Variants in URB2 observed in about 807,000 individuals in gnomAD.
URB2 encodes unhealthy ribosome biogenesis protein 2 homolog.
A neutral mutation model predicts 120.9 loss-of-function variants in URB2; 86 were observed. The observed-to-expected ratio is 0.71, with a 90% CI of 0.60 to 0.85. The LOEUF (loss-of-function observed/expected upper bound fraction) is 0.85, where lower values mean the gene tolerates loss of function less well. Ranked by LOEUF, URB2 falls within the 40% of genes least tolerant of loss-of-function variation. The pLI, the probability that URB2 is intolerant of heterozygous loss-of-function variation, is 0.00. For missense variants in URB2, 1,765 were observed against 1,836.5 expected, an observed-to-expected ratio of 0.96 and a Z score of 0.71; for synonymous variants, 755 against 758.4, an observed-to-expected ratio of 1.00 and a Z score of 0.07.
chr1:229,648,840 C>T (rs538475660), intron 7 of URB2, among the ~76,000 whole-genome samples: 3 of 152,300 alleles, frequency 2.0e-5, no homozygotes, highest in East Asian at 3.9e-4. Flanking sequence ...AGAAATGTGT[C>T]GTTAGGCATT....
Position 229,637,580 on chromosome 1 carries a change from G to A in URB2, c.2967G>A (p.Met989Ile), listed in dbSNP as rs778890308. Reference protein sequence around the residue: ...FRASSRFLIEMDDPAWLEFLQ... With the variant: ...FRASSRFLIEIDDPAWLEFLQ... ...CTAGTAGTAGGTTCCTTATTGAGAT[G>A]GATGATCCCGCTTGGCTGGAATTCC... is the stretch of plus-strand genomic sequence containing the variant. Residue 989 changes from methionine to isoleucine, a missense_variant, in exon 4 of 10, where the codon ATG becomes ATA. Coordinates refer to ENST00000258243, the MANE Select transcript of URB2 (RefSeq NM_014777.4). The A allele has an allele frequency of 2.5e-6, 4 of 1,614,212 alleles. No homozygotes were observed. Among genetic ancestry groups the A allele is most frequent in the East Asian group, 4.5e-5 (2 of 44,882 alleles).
chr1:229,630,063 A>G (rs948191281), intron 2 of URB2, among the ~76,000 whole-genome samples: 3 of 152,176 alleles, frequency 2.0e-5, no homozygotes, highest in Admixed American at 2.0e-4. Flanking sequence ...CCTCCACTTC[A>G]GTCTTGAGCC....
In URB2 at chr1:229,635,488, C is replaced by T; in HGVS notation, c.875C>T (p.Ala292Val). 6.2e-7 allele frequency: 1 copy of T among 1,613,432 alleles called. No individual in the cohort carries two copies. The highest frequency in any genetic ancestry group is 8.5e-7 in the Non-Finnish European group (1 of 1,179,602). ...LNRLVDAGYC[A>V]ASLHTSVVAN... ...AGGCTGGTTGATGCTGGCTACTGTG[C>T]AGCATCCCTTCATACCTCTGTTGTG... The change falls in exon 4 of 10, where the codon GCA becomes GTA. Residue 292 changes from alanine (A) to valine (V), a missense_variant. Physicochemically the swap from Ala to Val is moderately conservative, Grantham distance 64 (BLOSUM62 0). Coordinates refer to ENST00000258243, the MANE Select transcript of URB2 (RefSeq NM_014777.4).
intron 5 of URB2, among the ~76,000 whole-genome samples, chr1:229,645,656 C>G (rs1350808109): frequency 6.6e-6 from 1 of 152,188 alleles, no homozygotes; most frequent in Non-Finnish European, 1.5e-5. Context: ...TCATCTTCTT[C>G]ACTTCCTTCC....
At chr1:229,658,506 A>G (rs1666453977) in intron 9 of URB2, among the ~76,000 whole-genome samples, 1 of 152,242 alleles carries the variant, frequency 6.6e-6, no homozygotes, top group Non-Finnish European at 1.5e-5. Context: ...GGAATCTATT[A>G]AATGGCAATC....
At chr1:229,646,051 C>A in intron 6 of URB2, 82 bp downstream of exon 6, 1 of 1,309,624 alleles carries the variant, frequency 7.6e-7, no homozygotes, top group Non-Finnish European at 1.1e-6. Context: ...TTGGGGTCTG[C>A]TGCCCTGTAG....
intron 4 of URB2, among the ~76,000 whole-genome samples, chr1:229,640,741 A>T (rs1275276205): frequency 5.3e-5 from 8 of 151,906 alleles, no homozygotes; most frequent in Non-Finnish European, 1.2e-4. Flanking sequence ...CCTTTCAGTA[A>T]CCTGTCTCTG....
At chr1:229,632,614 A>T (rs913078159) in intron 3 of URB2, among the ~76,000 whole-genome samples, 169 bp downstream of exon 3, 2 of 152,240 alleles carry the variant, frequency 1.3e-5, no homozygotes, top group Non-Finnish European at 2.9e-5. Context: ...AATGTGTATC[A>T]TATGCTCTAA....
intron 8 of URB2, among the ~76,000 whole-genome samples, chr1:229,653,794 A>G (rs1318855413): frequency 6.6e-6 from 1 of 152,230 alleles, no homozygotes; most frequent in Non-Finnish European, 1.5e-5. Flanking sequence ...TACACAAACA[A>G]TTTCTGAAAT....
Position 229,637,122 on chromosome 1 carries a change from C to T in URB2, c.2509C>T (p.Gln837Ter), listed in dbSNP as rs1277270961. The change falls in exon 4 of 10, where the codon CAG becomes TAG. Residue 837 changes from glutamine (Q) to a stop codon, truncating the protein, a stop_gained. Transcript: ENST00000258243. LOFTEE classifies it high-confidence loss of function. ...AQRDSGLVSQ[Q>*]LPWLFEKDHM... is the part of the protein sequence containing the mutation. ...GCGTGACTCAGGTCTTGTCAGTCAGCAGCTTCCCTGGCTTTTTGAAAAGGA... is the reference window on the plus strand; with the variant it reads ...GCGTGACTCAGGTCTTGTCAGTCAGTAGCTTCCCTGGCTTTTTGAAAAGGA... The T allele has an allele frequency of 1.2e-6, 2 of 1,612,876 alleles. No individual in the cohort carries two copies.
At chr1:229,626,700 C>G (rs1196509171) in intron 1 of URB2, among the ~76,000 whole-genome samples, 1 of 152,270 alleles carries the variant, frequency 6.6e-6, no homozygotes, top group Non-Finnish European at 1.5e-5. Flanking sequence ...GAGCCGAACT[C>G]TGGCGGAGCC....
intron 4 of URB2, among the ~76,000 whole-genome samples, chr1:229,638,779 C>A (rs1250480800): frequency 6.6e-6 from 1 of 152,236 alleles, no homozygotes; most frequent in Non-Finnish European, 1.5e-5. Context: ...TCCTTGCTTT[C>A]TGTGCAAACA....
At position 229,636,115 on chromosome 1, in the gene URB2, G is replaced by T; in HGVS notation, c.1502G>T (p.Cys501Phe). 1.2e-6 allele frequency: 2 copies of T among 1,614,278 alleles called. No individual in the cohort carries two copies. The highest frequency in any genetic ancestry group is 1.7e-6 in the Non-Finnish European group (2 of 1,180,050). The change falls in exon 4 of 10, where the codon TGC becomes TTC. Residue 501 changes from cysteine (C) to phenylalanine (F), a missense_variant. Coordinates refer to ENST00000258243, the MANE Select transcript of URB2 (RefSeq NM_014777.4). ...ASGPSTVLSA[C>F]LLELPPSQIL... Reference sequence around the variant, plus strand: ...GGCCCCTCCACGGTACTCTCTGCATGCCTCCTGGAGCTGCCTCCAAGTCAG... The same window carrying T: ...GGCCCCTCCACGGTACTCTCTGCATTCCTCCTGGAGCTGCCTCCAAGTCAG...
rs769360878 is a variant in URB2 at position 229,627,619 on chromosome 1, A to G, written c.-13-2A>G. 1.2e-6 allele frequency: 2 copies of G among 1,601,090 alleles called. No homozygotes were observed. Among genetic ancestry groups the G allele is most frequent in the Non-Finnish European group, 8.5e-7 (1 of 1,175,942 alleles). On this transcript the variant is annotated splice_acceptor_variant, in intron 1 of 9. Transcript: ENST00000258243. LOFTEE classifies it low-confidence loss of function (5UTR_SPLICE). ...TTTTTTCCCATTGTTTTTAAATTTT[A>G]GATAAAGCCTAGCCATGGCTGCTGT...
At chr1:229,649,469 C>G (rs1216968932) in intron 7 of URB2, among the ~76,000 whole-genome samples, 1 of 152,206 alleles carries the variant, frequency 6.6e-6, no homozygotes, top group African/African-American at 2.4e-5. Flanking sequence ...CAGCTTGATT[C>G]TTCTGCAAAA....
At chr1:229,627,973 C>T (rs1361357873) in intron 2 of URB2, among the ~76,000 whole-genome samples, 2 of 149,800 alleles carry the variant, frequency 1.3e-5, no homozygotes, top group East Asian at 1.9e-4. Context: ...TCATTTAGGT[C>T]GGGGACAGTG....
intron 5 of URB2, among the ~76,000 whole-genome samples, chr1:229,643,920 T>C (rs1666074409): frequency 6.6e-6 from 1 of 152,256 alleles, no homozygotes; most frequent in Non-Finnish European, 1.5e-5. Flanking sequence ...AAATAACAAA[T>C]GTGTTGTCTT....
chr1:229,645,286 G>GGA (rs758159969), intron 5 of URB2, among the ~76,000 whole-genome samples: 1 of 144,296 alleles, frequency 6.9e-6, no homozygotes, highest in African/African-American at 2.6e-5. Flanking sequence ...ACTCGGTCTC[G>GGA]AAAAAAAAAA....
rs4363453 is a variant in URB2 at position 229,651,139 on chromosome 1, A to G, written c.4150-96A>G. On this transcript the variant is annotated intron_variant, in intron 7 of 9. Transcript: ENST00000258243. The stretch of plus-strand genomic sequence containing the variant: ...ACAACTGGTTTGAGTGTCCCGATAG[A>G]CTAGGCTAAGAAAGAAATAAGTATG... 1.4e-3 allele frequency: 1,664 copies of G among 1,201,474 alleles called. 28 individuals carry two copies. The African/African-American group carries it at 0.024, about 17-fold the overall frequency. 74.4% of individuals were successfully genotyped at this position (1,201,474 alleles called of 1,614,324 possible).
Sources: allele counts gnomAD v4.1 joint callset (sites outside exome capture counted in the v4.1 genomes callset), GRCh38; gene constraint gnomAD v4.1.1; transcripts MANE v1.5; gene names NCBI Gene and HGNC (gene_info 2026-07-23, HGNC 2026-07-21).